Variants in KCNH8 observed in about 807,000 individuals in gnomAD.
KCNH8 encodes potassium voltage-gated channel subfamily H member 8, also known as voltage-gated delayed rectifier potassium channel KCNH8.
In KCNH8, 70 loss-of-function variants were observed where a neutral mutation model predicts 103.6. That is an observed-to-expected ratio of 0.68 (90% CI 0.56 to 0.82). KCNH8 has a LOEUF of 0.82. KCNH8 is among the 40% of genes least tolerant of loss of function. The pLI, the probability that KCNH8 is intolerant of heterozygous loss-of-function variation, is 0.00. For synonymous variants in KCNH8, 498 were observed against 489.4 expected, an observed-to-expected ratio of 1.02 and a Z score of -0.23; for missense variants, 1,217 against 1,329.9, an observed-to-expected ratio of 0.92 and a Z score of 1.32.
At chr3:19,430,777 T>A (rs572712528) in intron 7 of KCNH8, among the ~76,000 whole-genome samples, 1 of 152,268 alleles carries the variant, frequency 6.6e-6, no homozygotes, top group East Asian at 1.9e-4. Context: ...GCGATTTGAC[T>A]CTCTGCTTGA....
rs77044728 is a variant in KCNH8, at chr3:19,362,477, G to A, written c.811+14512G>A. 6.2e-3 allele frequency among the ~76,000 whole-genome samples: 951 copies of A among 152,192 alleles called. 3 individuals carry two copies. The highest frequency in any genetic ancestry group is 0.014 in the Middle Eastern group (4 of 294). ...AATGTTCTTTTCTTTCTGATATGGG[G>A]AAAGCACCTGTCTCATGGGAAATTT... On this transcript the variant is annotated intron_variant, in intron 5 of 15. Transcript: ENST00000328405.
intron 11 of KCNH8, among the ~76,000 whole-genome samples, chr3:19,471,913 CGTAA>C (rs1670535159): frequency 6.6e-6 from 1 of 152,096 alleles, no homozygotes; most frequent in African/African-American, 2.4e-5. Context: ...GAGCCAAATA[CGTAA>C]GTAAAAAATG....
intron 5 of KCNH8, among the ~76,000 whole-genome samples, chr3:19,368,165 A>G (rs937750560): frequency 4.6e-5 from 7 of 152,002 alleles, no homozygotes; most frequent in African/African-American, 1.7e-4. Flanking sequence ...ATCTGATGCC[A>G]TGCTTTGGGT....
intron 15 of KCNH8, among the ~76,000 whole-genome samples, chr3:19,522,827 T>A (rs1218935243): frequency 6.6e-6 from 1 of 151,870 alleles, no homozygotes; most frequent in Admixed American, 6.6e-5. Flanking sequence ...AAATTTTTTT[T>A]AAATTTTCCC....
At chr3:19,348,505 G>C (rs772294513) in intron 5 of KCNH8, among the ~76,000 whole-genome samples, 4 of 152,100 alleles carry the variant, frequency 2.6e-5, no homozygotes, top group Admixed American at 1.3e-4. Context: ...TGTTTGTTAA[G>C]ATAATTTATC....
In KCNH8 at chr3:19,197,125, T is replaced by G. The variant is rs566769332; in HGVS notation, c.76+48330T>G. ...TGCTTTACAAGCTACTGAAAGATTA[T>G]TATTCTGAAAAAAATGCTTTATTTC... On this transcript the variant is annotated intron_variant, in intron 1 of 15. Coordinates refer to ENST00000328405, the MANE Select transcript of KCNH8 (RefSeq NM_144633.3). Among the ~76,000 whole-genome samples the G allele has an allele frequency of 2.0e-5, 3 of 152,186 alleles. No homozygotes were observed. The East Asian group carries it at 5.8e-4, about 29-fold the overall frequency.
intron 1 of KCNH8, among the ~76,000 whole-genome samples, chr3:19,225,556 G>T (rs1225108947): frequency 6.6e-6 from 1 of 152,078 alleles, no homozygotes; most frequent in Non-Finnish European, 1.5e-5. Context: ...GAATCTTCTG[G>T]ACGTATGAAT....
chr3:19,498,496 C>A (rs776324157), intron 11 of KCNH8, among the ~76,000 whole-genome samples: 1 of 152,134 alleles, frequency 6.6e-6, no homozygotes, highest in Admixed American at 6.5e-5. Context: ...TTCTCCTCCA[C>A]TTATGAAGCT....
intron 3 of KCNH8, among the ~76,000 whole-genome samples, chr3:19,336,072 A>G (rs2125313132): frequency 6.6e-6 from 1 of 151,518 alleles, no homozygotes; most frequent in South Asian, 2.1e-4. Context: ...AAATTACTAT[A>G]TTTATTTGGT....
chr3:19,498,786 T>C (rs2125230944), intron 11 of KCNH8, among the ~76,000 whole-genome samples: 1 of 152,228 alleles, frequency 6.6e-6, no homozygotes, highest in Non-Finnish European at 1.5e-5. Context: ...TGTTTGTTAG[T>C]TTTCCTTCTA....
At chr3:19,274,882 T>TCCCCTCCCCA (rs2064644522) in intron 2 of KCNH8, among the ~76,000 whole-genome samples, 1 of 41,470 alleles carries the variant, frequency 2.4e-5, no homozygotes, top group African/African-American at 1.8e-4. Flanking sequence ...TCCCCACCCC[T>TCCCCTCCCCA]CCCCTCCCCT....
At chr3:19,364,468 A>G (rs572265950) in intron 5 of KCNH8, among the ~76,000 whole-genome samples, 5 of 152,150 alleles carry the variant, frequency 3.3e-5, no homozygotes, top group African/African-American at 1.2e-4. Context: ...ATTAAATGGA[A>G]TGTATTATAT....
intron 7 of KCNH8, among the ~76,000 whole-genome samples, chr3:19,429,633 C>T (rs149095102): frequency 1.3e-5 from 2 of 152,138 alleles, no homozygotes; most frequent in East Asian, 3.9e-4. Flanking sequence ...CATAGGTAAA[C>T]TTGTTTCATG....
chr3:19,184,915 A>G (rs753510048), intron 1 of KCNH8, among the ~76,000 whole-genome samples: 2 of 151,958 alleles, frequency 1.3e-5, no homozygotes, highest in Non-Finnish European at 2.9e-5. Context: ...ATGTAACATA[A>G]CATTTTGAAG....
intron 3 of KCNH8, among the ~76,000 whole-genome samples, chr3:19,291,865 G>A (rs1434188748): frequency 2.0e-5 from 3 of 152,134 alleles, no homozygotes; most frequent in African/African-American, 7.2e-5. Context: ...CCTTGAAACC[G>A]GCATAGGGCT....
At chr3:19,330,033 T>A (rs2065483994) in intron 3 of KCNH8, among the ~76,000 whole-genome samples, 1 of 151,926 alleles carries the variant, frequency 6.6e-6, no homozygotes, top group African/African-American at 2.4e-5. Context: ...AAGGATTGAA[T>A]TCTTTAGCCT....
chr3:19,445,617 T>C (rs1221166115), intron 8 of KCNH8, among the ~76,000 whole-genome samples: 2 of 151,918 alleles, frequency 1.3e-5, no homozygotes, highest in Admixed American at 6.6e-5. Flanking sequence ...AGGTTTGTCT[T>C]AACAATAATG....
At chr3:19,422,393 G>GA (rs2066964110) in intron 7 of KCNH8, among the ~76,000 whole-genome samples, 1 of 151,978 alleles carries the variant, frequency 6.6e-6, no homozygotes. Flanking sequence ...CAGAAAAGGT[G>GA]AAAAAAGAAC....
chr3:19,227,447 A>G (rs915154099), intron 1 of KCNH8, among the ~76,000 whole-genome samples: 3 of 152,194 alleles, frequency 2.0e-5, no homozygotes, highest in Admixed American at 2.0e-4. Flanking sequence ...ATCAACATAT[A>G]CAAGAGAACT....
Sources: allele counts gnomAD v4.1 joint callset (sites outside exome capture counted in the v4.1 genomes callset), GRCh38; gene constraint gnomAD v4.1.1; transcripts MANE v1.5; gene names NCBI Gene and HGNC (gene_info 2026-07-23, HGNC 2026-07-21).